The following ABCB11 variants were observed in gnomAD, a reference collection of about 807,000 sequenced individuals.
The protein encoded by ABCB11 is ATP binding cassette subfamily B member 11.
In ABCB11, 95 loss-of-function variants were observed where a neutral mutation model predicts 148.0. The ratio of observed to expected loss-of-function variants is 0.64; its 90% CI spans 0.54 to 0.76. ABCB11 has a LOEUF of 0.76. Ranked by LOEUF, ABCB11 falls within the 30% of genes least tolerant of loss-of-function variation. The probability of loss-of-function intolerance (pLI) is 0.00; values close to 1 mark genes in which losing one functional copy is unlikely to be tolerated. For synonymous variants in ABCB11, 591 were observed against 555.4 expected, an observed-to-expected ratio of 1.06 and a Z score of -0.90; for missense variants, 1,523 against 1,617.8, an observed-to-expected ratio of 0.94 and a Z score of 1.01.
At chr2:168,975,812 C>CAT (rs955344629) in intron 12 of ABCB11, among the ~76,000 whole-genome samples, 4 of 148,056 alleles carry the variant, frequency 2.7e-5, no homozygotes, top group East Asian at 2.0e-4. Context: ...ATATATATCA[C>CAT]ATATATATAT....
intron 14 of ABCB11, chr2:168,970,577 A>G (rs943045303): frequency 2.3e-5 from 8 of 354,116 alleles, no homozygotes; most frequent in Non-Finnish European, 4.4e-5. Context: ...CCTGTTAGAC[A>G]ACACAGCAAA....
chr2:168,927,317 G>A lies in ABCB11; in HGVS notation c.3457C>T (p.Arg1153Cys), dbSNP rs72549395. The change falls in exon 26 of 28, where the codon CGC becomes TGC. Residue 1153 changes from arginine to cysteine, a missense_variant. Arg to Cys is a radical substitution (Grantham distance 180). Transcript: ENST00000650372. ...DSKKVNVQFL[R>C]SNIGIVSQEP... ...TGGGAAACAATTCCAATGTTTGAGC[G>A]GAGGAACTGGACATTTACTTTTTTG... is the stretch of plus-strand genomic sequence containing the variant. 1.1e-5 allele frequency: 17 copies of A among 1,613,684 alleles called. No homozygotes were observed. Among genetic ancestry groups the A allele is most frequent in the Admixed American group, 3.3e-5 (2 of 59,974 alleles).
chr2:169,007,859 G>A (rs1305516043), intron 5 of ABCB11, among the ~76,000 whole-genome samples: 1 of 152,092 alleles, frequency 6.6e-6, no homozygotes, highest in African/African-American at 2.4e-5. Context: ...AAGAATGAGA[G>A]AAATTGCTTG....
At chr2:169,021,179 T>G (rs1359868431) in intron 1 of ABCB11, among the ~76,000 whole-genome samples, 1 of 152,046 alleles carries the variant, frequency 6.6e-6, no homozygotes, top group Non-Finnish European at 1.5e-5. Flanking sequence ...GCCAGGCTGG[T>G]CTCAAACTCC....
chr2:169,006,738 A>T (rs1695030993), intron 5 of ABCB11, among the ~76,000 whole-genome samples: 1 of 152,150 alleles, frequency 6.6e-6, no homozygotes, highest in Admixed American at 6.5e-5. Flanking sequence ...TATACAAAAA[A>T]AGTTGTATTT....
intron 1 of ABCB11, among the ~76,000 whole-genome samples, chr2:169,028,578 A>C (rs1221955590): frequency 6.6e-6 from 1 of 152,036 alleles, no homozygotes; most frequent in Non-Finnish European, 1.5e-5. Flanking sequence ...CGGATGGGCA[A>C]CTCGGGAGGA....
chr2:169,026,953 G>T (rs1319798212), intron 1 of ABCB11, among the ~76,000 whole-genome samples: 1 of 152,042 alleles, frequency 6.6e-6, no homozygotes, highest in East Asian at 1.9e-4. Context: ...TACTGTCTCG[G>T]CCATTAGCTG....
At position 168,920,939 on chromosome 2, in the gene ABCB11, A is replaced by G. The variant is rs1235610978; in HGVS notation, c.*2683T>C. Among the ~76,000 whole-genome samples the G allele has an allele frequency of 6.6e-6, 1 of 152,178 alleles. No individual in the cohort carries two copies. On this transcript the variant is annotated 3_prime_UTR_variant, in exon 28 of 28. Transcript: ENST00000650372. ...TTCAAGTATCTTATTTGAAAATATA[A>G]TTTGTACTAATTCCTCTTTCAGACT...
chr2:169,010,682 C>G (rs6751546), intron 5 of ABCB11, among the ~76,000 whole-genome samples: 24 of 152,214 alleles, frequency 1.6e-4, no homozygotes, highest in Non-Finnish European at 2.8e-4. Flanking sequence ...GAAAAATGTC[C>G]TCTCTTTTCT....
At chr2:168,969,131 A>AAAG (rs1491587143) in intron 16 of ABCB11, among the ~76,000 whole-genome samples, 7 of 132,718 alleles carry the variant, frequency 5.3e-5, no homozygotes, top group African/African-American at 2.2e-4. Context: ...AAAAAAAAAA[A>AAAG]GGGGGGGATG....
intron 11 of ABCB11, among the ~76,000 whole-genome samples, chr2:168,978,132 C>CTTTTTTTTTTTTTTTTTTTTATTTTT (rs1693993537): frequency 1.9e-5 from 1 of 53,114 alleles, no homozygotes; most frequent in Non-Finnish European, 3.5e-5. Flanking sequence ...AATAAATTGA[C>CTTTTTTTTTTTTTTTTTTTTATTTTT]TTTTTTTTTT....
intron 14 of ABCB11, among the ~76,000 whole-genome samples, chr2:168,970,944 A>G (rs965614268): frequency 1.3e-5 from 2 of 152,040 alleles, no homozygotes; most frequent in East Asian, 3.9e-4. Flanking sequence ...TGGGATTTGT[A>G]TCAAGGCAAT....
intron 19 of ABCB11, among the ~76,000 whole-genome samples, chr2:168,948,413 G>C (rs1692422386): frequency 2.0e-5 from 3 of 151,566 alleles, no homozygotes; most frequent in Admixed American, 2.0e-4. Context: ...AACACACAAT[G>C]ATTTTCTTGT....
intron 24 of ABCB11, among the ~76,000 whole-genome samples, chr2:168,931,215 C>T (rs1053173180): frequency 3.3e-5 from 5 of 152,108 alleles, no homozygotes; most frequent in African/African-American, 1.2e-4. Flanking sequence ...TAGCTTTGTT[C>T]TCCTAAAGAC....
chr2:168,980,288 A>C (rs1170849531), intron 10 of ABCB11, among the ~76,000 whole-genome samples: 1 of 152,146 alleles, frequency 6.6e-6, no homozygotes, highest in African/African-American at 2.4e-5. Flanking sequence ...CCCAAAGTGG[A>C]CTTGAATAGT....
chr2:168,989,068 C>T (rs1210384335), intron 9 of ABCB11, among the ~76,000 whole-genome samples: 1 of 152,094 alleles, frequency 6.6e-6, no homozygotes, highest in Non-Finnish European at 1.5e-5. Flanking sequence ...TATTTTCTCT[C>T]ATTCTATAAA....
chr2:168,945,393 C>A (rs1692259294), intron 19 of ABCB11, among the ~76,000 whole-genome samples: 1 of 151,842 alleles, frequency 6.6e-6, no homozygotes, highest in Non-Finnish European at 1.5e-5. Context: ...GGGCGGAAAA[C>A]CTGGTGAATG....
At chr2:168,995,564 A>C in intron 6 of ABCB11, 82 bp from the exon 7 acceptor site, 1 of 1,436,264 alleles carries the variant, frequency 7.0e-7, no homozygotes, top group South Asian at 1.3e-5. Context: ...AGTACTTTCA[A>C]TACAACAGTT....
intron 19 of ABCB11, among the ~76,000 whole-genome samples, chr2:168,955,491 A>C (rs918398747): frequency 2.0e-5 from 3 of 151,568 alleles, no homozygotes; most frequent in East Asian, 3.9e-4. Flanking sequence ...TTTTGTGAGA[A>C]CTTACTCACT....
Sources: gnomAD v4.1 joint callset for allele counts (sites outside exome capture counted in the v4.1 genomes callset) on GRCh38, gnomAD v4.1.1 for gene constraint, MANE v1.5 for transcripts, NCBI Gene and HGNC (gene_info 2026-07-23, HGNC 2026-07-21) for gene names.